SORCS1: variants seen among roughly 807,000 people sequenced by gnomAD.
The protein encoded by SORCS1 is sortilin related VPS10 domain containing receptor 1.
SORCS1 carries 60 observed loss-of-function variants against 146.1 expected under a neutral mutation model. That is an observed-to-expected ratio of 0.41 (90% CI 0.33 to 0.51). SORCS1 has a LOEUF of 0.51. Among genes scored for constraint, SORCS1 ranks in the 20% least tolerant of loss-of-function variants. The pLI, the probability that SORCS1 is intolerant of heterozygous loss-of-function variation, is 0.21. For synonymous variants in SORCS1, 637 were observed against 584.0 expected (o/e 1.09, Z -1.31); for missense variants, 1,352 against 1,487.6 (o/e 0.91, Z 1.50).
chr10:106,756,271 A>T (rs913264187), intron 5 of SORCS1, among the ~76,000 whole-genome samples: 4 of 152,242 alleles, frequency 2.6e-5, no homozygotes, highest in Non-Finnish European at 5.9e-5. Flanking sequence ...AATAATATTA[A>T]CACTGGTAGC....
intron 10 of SORCS1, 57 bp from the exon 11 acceptor site, chr10:106,679,791 G>T: frequency 7.4e-7 from 1 of 1,348,182 alleles, no homozygotes; most frequent in Non-Finnish European, 1.0e-6. Context: ...GTCATTTGAA[G>T]CTCAGAATCA....
Position 106,834,536 on chromosome 10 carries a change from A to G in SORCS1, c.627-4863T>C, listed in dbSNP as rs188895787. 1.8e-3 allele frequency among the ~76,000 whole-genome samples: 276 copies of G among 152,298 alleles called. 1 individual carries two copies. Among genetic ancestry groups the G allele is most frequent in the Non-Finnish European group, 3.0e-3 (207 of 68,020 alleles). On this transcript the variant is annotated intron_variant, in intron 2 of 25. Coordinates refer to ENST00000263054, the MANE Select transcript of SORCS1 (RefSeq NM_052918.5). ...TGAGCAACACACTTGGGGAAGCATA[A>G]GATCAAAGACAAAGAAAAAAAAAGA...
chr10:107,018,901 C>CT (rs545329064), intron 1 of SORCS1, among the ~76,000 whole-genome samples: 37 of 152,270 alleles, frequency 2.4e-4, no homozygotes, highest in Non-Finnish European at 4.6e-4. Flanking sequence ...ATAATCTAGG[C>CT]TTTTAACAGT....
intron 1 of SORCS1, among the ~76,000 whole-genome samples, chr10:106,971,432 A>G (rs1021006341): frequency 2.6e-5 from 4 of 152,206 alleles, no homozygotes; most frequent in Non-Finnish European, 2.9e-5. Flanking sequence ...TACATGAGCA[A>G]TTATTGTAAC....
chr10:107,099,583 G>A (rs1964777586), intron 1 of SORCS1, among the ~76,000 whole-genome samples: 1 of 152,140 alleles, frequency 6.6e-6, no homozygotes, highest in Admixed American at 6.5e-5. Flanking sequence ...AGTCTCATGT[G>A]GCTAGTGGCT....
At chr10:106,941,554 A>G (rs576650513) in intron 2 of SORCS1, among the ~76,000 whole-genome samples, 1 of 152,236 alleles carries the variant, frequency 6.6e-6, no homozygotes, top group East Asian at 1.9e-4. Flanking sequence ...TAAGTAGTTC[A>G]CCGTGGCTAG....
chr10:106,730,176 G>T, intron 5 of SORCS1, 62 bp from the exon 6 acceptor site: 1 of 1,521,168 alleles, frequency 6.6e-7, no homozygotes, highest in Non-Finnish European at 9.1e-7. Context: ...GTGCCTTAGT[G>T]GAACTCGGCA....
chr10:106,679,553 T>C, intron 11 of SORCS1, 79 bp downstream of exon 11: 2 of 1,287,148 alleles, frequency 1.6e-6, no homozygotes, highest in African/African-American at 1.5e-5. Flanking sequence ...CTTCTTAAAA[T>C]AAACTTCCAA....
intron 18 of SORCS1, among the ~76,000 whole-genome samples, chr10:106,637,784 G>A (rs1156540717): frequency 1.3e-5 from 2 of 152,180 alleles, no homozygotes; most frequent in Non-Finnish European, 2.9e-5. Flanking sequence ...CTTGGGACTT[G>A]CCTAACTAAA....
At chr10:107,045,360 T>C (rs953434817) in intron 1 of SORCS1, among the ~76,000 whole-genome samples, 1 of 152,238 alleles carries the variant, frequency 6.6e-6, no homozygotes, top group East Asian at 1.9e-4. Context: ...TTGCTGCAAA[T>C]AGGAAATTGC....
chr10:106,664,126 C>T (rs1202671108), intron 17 of SORCS1, among the ~76,000 whole-genome samples: 1 of 152,174 alleles, frequency 6.6e-6, no homozygotes, highest in East Asian at 1.9e-4. Context: ...TGAACAGGCC[C>T]CTGAGAGTTA....
chr10:107,027,860 G>A (rs6584785), intron 1 of SORCS1, among the ~76,000 whole-genome samples: 11,916 of 152,162 alleles, frequency 0.078, 1,505 homozygotes, highest in African/African-American at 0.27. Context: ...ACAATTACTC[G>A]TTGGCCTGCC....
intron 3 of SORCS1, among the ~76,000 whole-genome samples, chr10:106,818,741 T>C (rs1451107890): frequency 6.6e-6 from 1 of 152,204 alleles, no homozygotes; most frequent in East Asian, 1.9e-4. Flanking sequence ...ATCATTTAAA[T>C]CTGAAAACTA....
chr10:106,671,567 T>C (rs567822675), intron 15 of SORCS1, among the ~76,000 whole-genome samples, 200 bp from the exon 16 acceptor site: 1 of 152,336 alleles, frequency 6.6e-6, no homozygotes, highest in East Asian at 1.9e-4. Flanking sequence ...CTAACAATCA[T>C]TGAAGATTAT....
chr10:106,935,075 AT>A (rs1953643583), intron 2 of SORCS1, among the ~76,000 whole-genome samples: 1 of 152,082 alleles, frequency 6.6e-6, no homozygotes, highest in Admixed American at 6.5e-5. Flanking sequence ...AATTAAAAAA[AT>A]ACTTACAAAT....
At chr10:106,822,631 G>A (rs1386448563) in intron 3 of SORCS1, among the ~76,000 whole-genome samples, 6 of 151,902 alleles carry the variant, frequency 3.9e-5, no homozygotes, top group African/African-American at 7.3e-5. Context: ...AACACTCAGC[G>A]GTACCCAAAA....
At chr10:107,172,654 T>C in the SORCS1 span, among the ~76,000 whole-genome samples, 10 of 152,350 alleles carry the variant, frequency 6.6e-5, no homozygotes, top group East Asian at 1.2e-3. Flanking sequence ...ACAGTGTTTC[T>C]TGAATGAGTG....
intron 1 of SORCS1, among the ~76,000 whole-genome samples, chr10:107,131,055 C>G (rs1423917994): frequency 6.6e-6 from 1 of 152,222 alleles, no homozygotes; most frequent in African/African-American, 2.4e-5. Flanking sequence ...AGAATTTGAA[C>G]TCACTTTTCA....
At chr10:106,909,946 G>A (rs1333855514) in intron 2 of SORCS1, among the ~76,000 whole-genome samples, 1 of 152,178 alleles carries the variant, frequency 6.6e-6, no homozygotes, top group Non-Finnish European at 1.5e-5. Flanking sequence ...AAGAATCCAT[G>A]TTGTATATCA....
Sources: allele counts gnomAD v4.1 joint callset (sites outside exome capture counted in the v4.1 genomes callset), GRCh38; gene constraint gnomAD v4.1.1; transcripts MANE v1.5; gene names NCBI Gene and HGNC (gene_info 2026-07-23, HGNC 2026-07-21).